The following CSTF2T variants were observed in gnomAD, a reference collection of about 807,000 sequenced individuals.
The protein encoded by CSTF2T is cleavage stimulation factor subunit 2 tau variant.
CSTF2T carries 18 observed loss-of-function variants against 39.9 expected under a neutral mutation model. The ratio of observed to expected loss-of-function variants is 0.45; its 90% CI spans 0.31 to 0.67. The LOEUF is 0.67. Ranked by LOEUF, CSTF2T falls within the 30% of genes least tolerant of loss-of-function variation. The pLI is 0.06. For missense variants in CSTF2T, 681 were observed against 789.0 expected, an observed-to-expected ratio of 0.86 and a Z score of 1.64; for synonymous variants, 291 against 276.4, an observed-to-expected ratio of 1.05 and a Z score of -0.52.
Position 51,697,969 on chromosome 10 carries a change from CCCT to C in CSTF2T, c.1578_1580del (p.Gly527del), listed in dbSNP as rs753602859. The C allele has an allele frequency of 1.2e-6, 2 of 1,602,648 alleles. No individual in the cohort carries two copies. The highest frequency in any genetic ancestry group is 1.7e-6 in the Non-Finnish European group (2 of 1,174,560). ...CTCCTTGTATGCCTGCCCCCTGCATCCCTCCTCCTTGTATGCCTGCTCCCTGCA... is the reference window on the plus strand; with the variant it reads ...CTCCTTGTATGCCTGCCCCCTGCATCCCTCCTTGTATGCCTGCTCCCTGCA... On this transcript the variant is annotated inframe_deletion, in exon 1 of 1. Coordinates refer to ENST00000331173, the MANE Select transcript of CSTF2T (RefSeq NM_015235.3).
Position 51,699,089 on chromosome 10 carries a change from C to A in CSTF2T, c.461G>T (p.Ser154Ile). 1 of 1,614,220 alleles carries A rather than the reference C, an allele frequency of 6.2e-7. No individual in the cohort carries two copies. Among genetic ancestry groups the A allele is most frequent in the Non-Finnish European group, 8.5e-7 (1 of 1,180,044 alleles). The change falls in exon 1 of 1, where the codon AGC becomes ATC. Residue 154 changes from serine to isoleucine, a missense_variant. By Grantham distance (142) the Ser-to-Ile change is moderately radical. Around this residue, in one of 4 missense-constraint regions of CSTF2T, gnomAD observed 329 missense variants for 344.1 expected, o/e 0.96. Transcript: ENST00000331173. ...TAACATGTTTCGAGCTTCCTGGTGG[C>A]TGTTTTGGACACAGAGCTTCATCTG... ...MKQMKLCVQN[S>I]HQEARNMLLQ...
rs2132403404 is a variant in CSTF2T, at chr10:51,696,756, C to T, written c.*943G>A. On this transcript the variant is annotated 3_prime_UTR_variant, in exon 1 of 1. Transcript: ENST00000331173. ...CCATCTGTATACAAACGTCAGATAC[C>T]AAGAAACTCAGATCTTTACTTAGTG... The T allele has an allele frequency of 6.6e-6, 1 of 151,982 alleles. No homozygotes were observed. Among genetic ancestry groups the T allele is most frequent in the Admixed American group, 6.6e-5 (1 of 15,260 alleles). 9.4% of individuals were successfully genotyped at this position (151,982 alleles called of 1,614,324 possible).
At position 51,699,571 on chromosome 10, in the gene CSTF2T, C is replaced by A. The variant is rs774925791; in HGVS notation, c.-22G>T. 3 of 1,588,610 alleles carry A rather than the reference C, an allele frequency of 1.9e-6. No individual in the cohort carries two copies. The highest frequency in any genetic ancestry group is 2.6e-6 in the Non-Finnish European group (3 of 1,167,604). On this transcript the variant is annotated 5_prime_UTR_variant, in exon 1 of 1. Coordinates refer to ENST00000331173, the MANE Select transcript of CSTF2T (RefSeq NM_015235.3). The stretch of plus-strand genomic sequence containing the variant: ...ACATGATTCCGGTTGTGCAGACAGC[C>A]GATAGCGGATTCTTCGAGGCGTCTG...
chr10:51,698,255 A>G lies in CSTF2T; in HGVS notation c.1295T>C (p.Val432Ala). ...GGTCTCCATTCCTCTCCTCTCCATT[A>G]CACGTGTCTCTAAGACCTCAGTTTC... ...AMETEVLETR[V>A]MERRGMETCA... is the part of the protein sequence containing the mutation. The change falls in exon 1 of 1, where the codon GTA becomes GCA. Residue 432 changes from valine (V) to alanine (A), a missense_variant. Around this residue, in one of 4 missense-constraint regions of CSTF2T, gnomAD observed 282 missense variants for 289.2 expected, o/e 0.98. Coordinates refer to ENST00000331173, the MANE Select transcript of CSTF2T (RefSeq NM_015235.3). 3.1e-6 allele frequency: 5 copies of G among 1,613,764 alleles called. No individual in the cohort carries two copies. The highest frequency in any genetic ancestry group is 4.2e-6 in the Non-Finnish European group (5 of 1,179,900).
chr10:51,699,100 A>G lies in CSTF2T; in HGVS notation c.450T>C (p.Cys150=), dbSNP rs1841391978. 5.0e-6 allele frequency: 8 copies of G among 1,614,220 alleles called. No homozygotes were observed. In the East Asian group the frequency reaches 1.6e-4, roughly 31 times the overall value. The change falls in exon 1 of 1, where the codon TGT becomes TGC. Residue 150 remains cysteine, a synonymous_variant. Coordinates refer to ENST00000331173, the MANE Select transcript of CSTF2T (RefSeq NM_015235.3). ...GAGCTTCCTGGTGGCTGTTTTGGAC[A>G]CAGAGCTTCATCTGCTTCATCAGCT... ...MFELMKQMKL[C]VQNSHQEARN...
chr10:51,698,303 C>A lies in CSTF2T; in HGVS notation c.1247G>T (p.Arg416Leu). The part of the protein sequence containing the change: ...PMDGRGGRDS[R>L]AMETRAMETE... ...TTCCATGGCACGAGTCTCCATCGCT[C>A]GAGAATCTCTACCACCTCTACCATC... The change falls in exon 1 of 1, where the codon CGA becomes CTA. Residue 416 changes from arginine to leucine, a missense_variant. Arg to Leu is a moderately radical substitution (Grantham distance 102, BLOSUM62 -2). This residue lies in a region of CSTF2T where 282 missense variants were observed against 289.2 expected (regional missense o/e 0.98). Coordinates refer to ENST00000331173, the MANE Select transcript of CSTF2T (RefSeq NM_015235.3). 6.2e-7 allele frequency: 1 copy of A among 1,614,122 alleles called. No individual in the cohort carries two copies. The highest frequency in any genetic ancestry group is 8.5e-7 in the Non-Finnish European group (1 of 1,180,026).
At position 51,697,615 on chromosome 10, in the gene CSTF2T, G is replaced by C. The variant is rs1841332925; in HGVS notation, c.*84C>G. ...GAGGGAAACCCTAATCCAAGTGTGG[G>C]GATACAGAAGTCAGCTTTTTGCACC... On this transcript the variant is annotated 3_prime_UTR_variant, in exon 1 of 1. Transcript: ENST00000331173. 7.7e-7 allele frequency: 1 copy of C among 1,297,602 alleles called. No individual in the cohort carries two copies. Among genetic ancestry groups the C allele is most frequent in the Non-Finnish European group, 1.1e-6 (1 of 918,870 alleles). 80.4% of individuals were successfully genotyped at this position (1,297,602 alleles called of 1,614,324 possible).
In CSTF2T at chr10:51,698,054, G is replaced by A; in HGVS notation, c.1496C>T (p.Ser499Leu). 1 of 1,614,018 alleles carries A rather than the reference G, an allele frequency of 6.2e-7. No individual in the cohort carries two copies. The highest frequency in any genetic ancestry group is 2.2e-5 in the East Asian group (1 of 44,862). Reference protein sequence around the residue: ...PQGPRQVPGISGVGNPGAGMQ... With the variant: ...PQGPRQVPGILGVGNPGAGMQ... ...ACCAGCTCCAGGATTCCCCACCCCT[G>A]AAATGCCTGGGACCTGTCTGGGTCC... The change falls in exon 1 of 1, where the codon TCA (serine) becomes TTA (leucine). Residue 499 changes from serine (S) to leucine (L), a missense_variant. Coordinates refer to ENST00000331173, the MANE Select transcript of CSTF2T (RefSeq NM_015235.3).
rs772039924 is a variant in CSTF2T, at chr10:51,698,501, TCCA to T, written c.1046_1048del (p.Val349del). On this transcript the variant is annotated inframe_deletion, in exon 1 of 1. Coordinates refer to ENST00000331173, the MANE Select transcript of CSTF2T (RefSeq NM_015235.3). ...GGGTGGACCCAGATAACCTCTGGGC[TCCA>T]CTTCTCCAGTGACTGAAAGCAAAGT... The T allele has an allele frequency of 8.7e-6, 14 of 1,613,980 alleles. No homozygotes were observed. The African/African-American group carries it at 1.9e-4, about 22-fold the overall frequency.
In CSTF2T at chr10:51,699,340, C is replaced by T; in HGVS notation, c.210G>A (p.Ala70=). 1 of 1,614,162 alleles carries T rather than the reference C, an allele frequency of 6.2e-7. No individual in the cohort carries two copies. The highest frequency in any genetic ancestry group is 8.5e-7 in the Non-Finnish European group (1 of 1,180,036). The stretch of plus-strand genomic sequence containing the variant: ...CATTGAGGTTCCGCATGGCACTAAG[C>T]GCGGTCTCCTGGTCTTGGTATTCGC... ...GFCEYQDQET[A]LSAMRNLNGR... is the part of the protein sequence containing the mutation. The change falls in exon 1 of 1, where the codon GCG becomes GCA. Residue 70 remains alanine (A), a synonymous_variant. Coordinates refer to ENST00000331173, the MANE Select transcript of CSTF2T (RefSeq NM_015235.3).
At position 51,697,771 on chromosome 10, in the gene CSTF2T, C is replaced by G; in HGVS notation, c.1779G>C (p.Met593Ile). The G allele has an allele frequency of 6.2e-7, 1 of 1,614,188 alleles. No individual in the cohort carries two copies. Residue 593 changes from methionine (M) to isoleucine (I), a missense_variant, in exon 1 of 1, where the codon ATG (methionine) becomes ATC (isoleucine). Transcript: ENST00000331173. ...TACTCTGCCTTTGCTCAGGGGGCAG[C>G]ATGGCAATCTGATCTGCAGTCAGTT... ...VLQLTADQIA[M>I]LPPEQRQSIL...
Position 51,699,532 on chromosome 10 carries a change from C to A in CSTF2T, c.18G>T (p.Val6=). The A allele has an allele frequency of 6.2e-7, 1 of 1,610,646 alleles. No individual in the cohort carries two copies. Among genetic ancestry groups the A allele is most frequent in the Non-Finnish European group, 8.5e-7 (1 of 1,178,250 alleles). The stretch of plus-strand genomic sequence containing the variant: ...GTGATCGATCCATTGCCGGGTCTCT[C>A]ACCGCCAAACTCGACATGATTCCGG... MSSLA[V]RDPAMDRSLR... Residue 6 remains valine, a synonymous_variant, in exon 1 of 1, where the codon GTG becomes GTT. Transcript: ENST00000331173.
chr10:51,697,409 T>A lies in CSTF2T; in HGVS notation c.*290A>T. On this transcript the variant is annotated 3_prime_UTR_variant, in exon 1 of 1. Coordinates refer to ENST00000331173, the MANE Select transcript of CSTF2T (RefSeq NM_015235.3). ...AAAAATGTAGTTAACATACTGTAGA[T>A]GCTTCAATATTGCTGCTTATTCTTT... 2.6e-6 allele frequency: 1 copy of A among 385,394 alleles called. No homozygotes were observed. The highest frequency in any genetic ancestry group is 4.7e-6 in the Non-Finnish European group (1 of 214,662). The allele number at this position is 385,394 out of a possible 1,614,324, so 23.9% of individuals were successfully genotyped here.
Position 51,696,075 on chromosome 10 carries a change from G to A in CSTF2T, c.*1624C>T, listed in dbSNP as rs1413766547. 1 of 152,094 alleles carries A rather than the reference G, an allele frequency of 6.6e-6. No homozygotes were observed. The highest frequency in any genetic ancestry group is 6.6e-5 in the Admixed American group (1 of 15,266). The allele number at this position is 152,094 out of a possible 1,614,324, so 9.4% of individuals were successfully genotyped here. On this transcript the variant is annotated 3_prime_UTR_variant, in exon 1 of 1. Transcript: ENST00000331173. ...CAACCAATTTTTAATTGTCTCATTG[G>A]TATGTATATTAGGACTAAATGGCTG...
Position 51,697,405 on chromosome 10 carries a change from T to C in CSTF2T, c.*294A>G. Reference sequence around the variant, plus strand: ...TTTAAAAAATGTAGTTAACATACTGTAGATGCTTCAATATTGCTGCTTATT... The same window carrying C: ...TTTAAAAAATGTAGTTAACATACTGCAGATGCTTCAATATTGCTGCTTATT... On this transcript the variant is annotated 3_prime_UTR_variant, in exon 1 of 1. Coordinates refer to ENST00000331173, the MANE Select transcript of CSTF2T (RefSeq NM_015235.3). The C allele has an allele frequency of 2.7e-6, 1 of 375,658 alleles. No homozygotes were observed. The highest frequency in any genetic ancestry group is 4.8e-6 in the Non-Finnish European group (1 of 208,712). 23.3% of individuals were successfully genotyped at this position (375,658 alleles called of 1,614,324 possible). A position where few individuals can be genotyped will look rare whatever the true frequency, so the allele number is the denominator to read the frequency against.
rs1440148818 is a variant in CSTF2T, at chr10:51,697,487, T to G, written c.*212A>C. On this transcript the variant is annotated 3_prime_UTR_variant, in exon 1 of 1. Transcript: ENST00000331173. ...TGTTCAGAGTTATTTTAAAGTAACT[T>G]AAAGTGAACAGACGCACTCCCTCCT... The G allele has an allele frequency of 1.7e-6, 1 of 574,294 alleles. No homozygotes were observed. The highest frequency in any genetic ancestry group is 1.9e-5 in the African/African-American group (1 of 53,324). The allele number at this position is 574,294 out of a possible 1,614,324, so 35.6% of individuals were successfully genotyped here.
In CSTF2T at chr10:51,697,959, C is replaced by A. The variant is rs775871966; in HGVS notation, c.1591G>T (p.Ala531Ser). 3.1e-6 allele frequency: 5 copies of A among 1,599,888 alleles called. No individual in the cohort carries two copies. Among genetic ancestry groups the A allele is most frequent in the Admixed American group, 1.8e-5 (1 of 56,776 alleles). Reference protein sequence around the residue: ...AGIQGGGMQGAGIQGVSIQGG... With the variant: ...AGIQGGGMQGSGIQGVSIQGG... ...TGTATACTGACTCCTTGTATGCCTG[C>A]CCCCTGCATCCCTCCTCCTTGTATG... Residue 531 changes from alanine to serine, a missense_variant, in exon 1 of 1, where the codon GCA (alanine) becomes TCA (serine). Coordinates refer to ENST00000331173, the MANE Select transcript of CSTF2T (RefSeq NM_015235.3).
rs964620558 is a variant in CSTF2T at position 51,696,434 on chromosome 10, G to C, written c.*1265C>G. 1 of 151,910 alleles carries C rather than the reference G, an allele frequency of 6.6e-6. No individual in the cohort carries two copies. Among genetic ancestry groups the C allele is most frequent in the Non-Finnish European group, 1.5e-5 (1 of 67,980 alleles). 9.4% of individuals were successfully genotyped at this position (151,910 alleles called of 1,614,324 possible). A position where few individuals can be genotyped will look rare whatever the true frequency, so the allele number is the denominator to read the frequency against. ...TCCCTAGACACTGATTTTTGGGAAGGATGTAAGAGAATTACTGACTCAGAT... is the reference window on the plus strand; with the variant it reads ...TCCCTAGACACTGATTTTTGGGAAGCATGTAAGAGAATTACTGACTCAGAT... On this transcript the variant is annotated 3_prime_UTR_variant, in exon 1 of 1. Coordinates refer to ENST00000331173, the MANE Select transcript of CSTF2T (RefSeq NM_015235.3).
In CSTF2T at chr10:51,699,312, G is replaced by GC. The variant is rs1248294832; in HGVS notation, c.237dup (p.Arg80AlafsTer16). The GC allele has an allele frequency of 6.2e-7, 1 of 1,613,964 alleles. No homozygotes were observed. The highest frequency in any genetic ancestry group is 8.5e-7 in the Non-Finnish European group (1 of 1,179,996). ...CGAAGCGCTCTCCCACTGAACTCCC[G>GC]CCCATTGAGGTTCCGCATGGCACTA... On this transcript the variant is annotated frameshift_variant, in exon 1 of 1. Coordinates refer to ENST00000331173, the MANE Select transcript of CSTF2T (RefSeq NM_015235.3). LOFTEE classifies it high-confidence loss of function.
Sources: gnomAD v4.1 joint callset for allele counts on GRCh38, gnomAD v4.1.1 for gene constraint, gnomAD v4.1.1 regional missense constraint, MANE v1.5 for transcripts, NCBI Gene and HGNC (gene_info 2026-07-23, HGNC 2026-07-21) for gene names.